Variants in AGPAT3 observed in about 807,000 individuals in gnomAD.
AGPAT3 encodes 1-acylglycerol-3-phosphate O-acyltransferase 3, also known as 1-acyl-sn-glycerol-3-phosphate acyltransferase gamma.
AGPAT3 carries 5 observed loss-of-function variants against 47.3 expected under a neutral mutation model. The observed-to-expected ratio is 0.11, with a 90% CI of 0.06 to 0.22. The LOEUF (loss-of-function observed/expected upper bound fraction) is 0.22. AGPAT3 is among the 10% of genes least tolerant of loss of function. The pLI, the probability that AGPAT3 is intolerant of heterozygous loss-of-function variation, is 1.00. For synonymous variants in AGPAT3, 212 were observed against 208.3 expected, an observed-to-expected ratio of 1.02 and a Z score of -0.15; for missense variants, 315 against 493.0, an observed-to-expected ratio of 0.64 and a Z score of 3.42.
At chr21:43,942,410 G>A (rs571660442) in intron 2 of AGPAT3, among the ~76,000 whole-genome samples, 35 of 152,296 alleles carry the variant, frequency 2.3e-4, no homozygotes, top group African/African-American at 7.0e-4. Context: ...TTCACGAGGC[G>A]CTCCTGAAGC....
rs540187128 is a variant in AGPAT3, at chr21:43,917,111, C to T, written c.-49+13092C>T. On this transcript the variant is annotated intron_variant, in intron 2 of 9. Transcript: ENST00000291572. Reference sequence around the variant, plus strand: ...GGCAAGTGAGGGGGGCCCACTCTGCCCTGGCCTGCCCCACCGCCCCATTTG... The same window carrying T: ...GGCAAGTGAGGGGGGCCCACTCTGCTCTGGCCTGCCCCACCGCCCCATTTG... Among the ~76,000 whole-genome samples the T allele has an allele frequency of 2.0e-5, 3 of 152,286 alleles. No individual in the cohort carries two copies. In the East Asian group the frequency reaches 5.8e-4, roughly 29 times the overall value.
At chr21:43,959,944 C>G in intron 3 of AGPAT3, 85 bp downstream of exon 3, 1 of 1,438,380 alleles carries the variant, frequency 7.0e-7, no homozygotes, top group Non-Finnish European at 9.4e-7. Flanking sequence ...CGTGGGCTCT[C>G]AGGCAGGAAG....
At position 43,985,278 on chromosome 21, in the gene AGPAT3, A is replaced by G; in HGVS notation, c.*2886A>G. 1 of 454,122 alleles carries G rather than the reference A, an allele frequency of 2.2e-6. No individual in the cohort carries two copies. Among genetic ancestry groups the G allele is most frequent in the South Asian group, 1.6e-5 (1 of 64,404 alleles). The allele number at this position is 454,122 out of a possible 1,614,324, so 28.1% of individuals were successfully genotyped here. On this transcript the variant is annotated 3_prime_UTR_variant, in exon 10 of 10. Coordinates refer to ENST00000291572, the MANE Select transcript of AGPAT3 (RefSeq NM_020132.5). ...CTCGGCGACAGTGTACCAGACGCGC[A>G]CCCTATGTGAGGTGCTTTAAGGTCC...
intron 3 of AGPAT3, 149 bp downstream of exon 3, chr21:43,960,008 C>A: frequency 1.2e-6 from 1 of 810,848 alleles, no homozygotes; most frequent in Non-Finnish European, 1.9e-6. Context: ...TGTCGGAAGG[C>A]ACCTGGCTAC....
chr21:43,972,157 TTC>T (rs1555912595), intron 7 of AGPAT3, among the ~76,000 whole-genome samples: 1 of 151,544 alleles, frequency 6.6e-6, no homozygotes, highest in Non-Finnish European at 1.5e-5. Context: ...ATTTTTTTTT[TTC>T]TTGGAGACGG....
rs912510319 is a variant in AGPAT3, at chr21:43,939,202, G to A, written c.-48-20432G>A. ...CCACTGTGGCCCCGTGACCCTGAGC[G>A]AGAATGCACTGGCCGGGCCTCCAGG... On this transcript the variant is annotated intron_variant, in intron 2 of 9. Coordinates refer to ENST00000291572, the MANE Select transcript of AGPAT3 (RefSeq NM_020132.5). The surrounding 1 kb of genome is among the most constrained non-coding windows in gnomAD (Gnocchi z 4.4). Among the ~76,000 whole-genome samples the A allele has an allele frequency of 1.3e-5, 2 of 152,170 alleles. No homozygotes were observed. The highest frequency in any genetic ancestry group is 6.5e-5 in the Admixed American group (1 of 15,288).
Position 43,968,100 on chromosome 21 carries a change from C to T in AGPAT3, c.333C>T (p.Arg111=), listed in dbSNP as rs767954589. The T allele has an allele frequency of 5.1e-5, 82 of 1,613,180 alleles. No homozygotes were observed. Among genetic ancestry groups the T allele is most frequent in the Non-Finnish European group, 6.4e-5 (75 of 1,179,860 alleles). The change falls in exon 4 of 10, where the codon CGC becomes CGT. Residue 111 remains arginine (R), a synonymous_variant. Coordinates refer to ENST00000291572, the MANE Select transcript of AGPAT3 (RefSeq NM_020132.5). ...TCTGTGGGTGGACCATGTGTGAGCG[C>T]TTCGGAGTGCTGGGGGTGAGCGGGG... ...DFLCGWTMCE[R]FGVLGSSKVL...
At chr21:43,884,330 G>A (rs377140586) in intron 1 of AGPAT3, among the ~76,000 whole-genome samples, 1 of 148,998 alleles carries the variant, frequency 6.7e-6, no homozygotes, top group Non-Finnish European at 1.5e-5. Flanking sequence ...ATAGATAAGC[G>A]GTTTCTAATG....
At chr21:43,950,114 C>T (rs181318061) in intron 2 of AGPAT3, among the ~76,000 whole-genome samples, 135 of 152,348 alleles carry the variant, frequency 8.9e-4, no homozygotes, top group Non-Finnish European at 1.7e-3. Flanking sequence ...CTGCCAGTGA[C>T]CTAGAGCCAT....
chr21:43,960,233 C>T (rs909512493), intron 3 of AGPAT3, among the ~76,000 whole-genome samples: 6 of 152,220 alleles, frequency 3.9e-5, no homozygotes, highest in Admixed American at 2.0e-4. Flanking sequence ...AGCATGCTGA[C>T]GCGTATTTCA....
rs539788341 is a variant in AGPAT3, at chr21:43,971,677, G to A, written c.767+187G>A. Reference sequence around the variant, plus strand: ...ACACAGGAGAGGCCCTGCAGGACTCGTCCGGGGCTTGGGTTGCAGGCCACG... The same window carrying A: ...ACACAGGAGAGGCCCTGCAGGACTCATCCGGGGCTTGGGTTGCAGGCCACG... On this transcript the variant is annotated intron_variant, in intron 7 of 9. Transcript: ENST00000291572. Among the ~76,000 whole-genome samples, 25 of 152,320 alleles carry A rather than the reference G, an allele frequency of 1.6e-4. No homozygotes were observed. The South Asian group carries it at 3.3e-3, about 20-fold the overall frequency.
intron 1 of AGPAT3, among the ~76,000 whole-genome samples, chr21:43,898,170 C>G (rs933995241): frequency 1.5e-4 from 23 of 152,244 alleles, no homozygotes; most frequent in Admixed American, 6.5e-4. Flanking sequence ...TTTTTTAAGT[C>G]TGACAACTAA....
intron 2 of AGPAT3, among the ~76,000 whole-genome samples, chr21:43,921,772 C>T (rs931941242): frequency 6.6e-6 from 1 of 152,084 alleles, no homozygotes; most frequent in East Asian, 1.9e-4. Context: ...ATTAGCTCCA[C>T]ACTGTTGATT....
intron 1 of AGPAT3, among the ~76,000 whole-genome samples, chr21:43,878,736 CTTTT>C (rs112902305): frequency 7.1e-6 from 1 of 140,778 alleles, no homozygotes. Flanking sequence ...TTCCATTTGT[CTTTT>C]TTTTTTTTTT....
intron 2 of AGPAT3, among the ~76,000 whole-genome samples, chr21:43,953,884 AG>A (rs2088319099): frequency 6.6e-6 from 1 of 152,234 alleles, no homozygotes; most frequent in African/African-American, 2.4e-5. Context: ...CTGTAATCCC[AG>A]CACTCTGGGA....
intron 2 of AGPAT3, among the ~76,000 whole-genome samples, chr21:43,904,483 G>A (rs9981945): frequency 0.012 from 1,821 of 152,260 alleles, 34 homozygotes; most frequent in African/African-American, 0.042. Context: ...CACAATCCCC[G>A]TGGGGAGCCC....
chr21:43,916,425 C>T (rs965624149), intron 2 of AGPAT3: 6 of 152,098 alleles, frequency 3.9e-5, no homozygotes, highest in Admixed American at 2.6e-4. Context: ...TTATTTGGTA[C>T]GAACATATCG....
chr21:43,909,065 C>G (rs1386641179), intron 2 of AGPAT3, among the ~76,000 whole-genome samples: 1 of 152,202 alleles, frequency 6.6e-6, no homozygotes. Context: ...TTAATTTTTA[C>G]TTACTATTTT....
Position 43,880,270 on chromosome 21 carries a change from G to A in AGPAT3, c.-112+14925G>A, listed in dbSNP as rs573235940. 6.6e-6 allele frequency among the ~76,000 whole-genome samples: 1 copy of A among 152,344 alleles called. No individual in the cohort carries two copies. The highest frequency in any genetic ancestry group is 2.1e-4 in the South Asian group (1 of 4,828). ...CTCAGCACAGCTGAGGGCAGCAACT[G>A]TTGTCCCCTAGAGCCCGAGATCTGG... On this transcript the variant is annotated intron_variant, in intron 1 of 9. Coordinates refer to ENST00000291572, the MANE Select transcript of AGPAT3 (RefSeq NM_020132.5). The surrounding 1 kb of genome is among the most constrained non-coding windows in gnomAD (Gnocchi z 4.5).
Sources: gnomAD v4.1 joint callset for allele counts (sites outside exome capture counted in the v4.1 genomes callset) on GRCh38, gnomAD v4.1.1 for gene constraint, Gnocchi (gnomAD v3.1) non-coding constraint, MANE v1.5 for transcripts, NCBI Gene and HGNC (gene_info 2026-07-23, HGNC 2026-07-21) for gene names.